Variants in TMEM87B observed in about 807,000 individuals in gnomAD.
TMEM87B encodes the protein transmembrane protein 87B.
A neutral mutation model predicts 80.3 loss-of-function variants in TMEM87B; 83 were observed. That is an observed-to-expected ratio of 1.03 (90% CI 0.87 to 1.24). The LOEUF (loss-of-function observed/expected upper bound fraction) is 1.24. Ranked by LOEUF, TMEM87B falls within the 50% of genes most tolerant of loss-of-function variation. TMEM87B has a pLI of 0.00. For synonymous variants in TMEM87B, 219 were observed against 230.5 expected (o/e 0.95, Z 0.45); for missense variants, 625 against 674.4 (o/e 0.93, Z 0.81).
intron 9 of TMEM87B, among the ~76,000 whole-genome samples, chr2:112,088,914 A>ACCC (rs974822796): frequency 6.0e-5 from 9 of 151,008 alleles, no homozygotes; most frequent in African/African-American, 2.2e-4. Context: ...ACGAGCCACC[A>ACCC]CCCCCGGCTA....
At chr2:112,108,136 G>A (rs1489972750) in intron 17 of TMEM87B, among the ~76,000 whole-genome samples, 2 of 151,986 alleles carry the variant, frequency 1.3e-5, no homozygotes, top group Non-Finnish European at 2.9e-5. Context: ...AACGTCAAAT[G>A]TATGTAAACT....
intron 3 of TMEM87B, among the ~76,000 whole-genome samples, chr2:112,064,828 C>T (rs1353020590): frequency 6.6e-6 from 1 of 152,144 alleles, no homozygotes; most frequent in Non-Finnish European, 1.5e-5. Flanking sequence ...GGATTGTTTC[C>T]TTTTCAGATT....
chr2:112,067,555 C>T (rs919442106), intron 4 of TMEM87B, among the ~76,000 whole-genome samples: 4 of 152,134 alleles, frequency 2.6e-5, no homozygotes, highest in African/African-American at 4.8e-5. Flanking sequence ...GCCATGATTG[C>T]GCCACTGCAC....
chr2:112,094,223 G>A (rs1443787937), intron 11 of TMEM87B, among the ~76,000 whole-genome samples: 2 of 148,342 alleles, frequency 1.3e-5, no homozygotes, highest in Non-Finnish European at 3.0e-5. Flanking sequence ...GTGCAGTGGC[G>A]TGATCTCAAC....
chr2:112,107,880 G>A, intron 17 of TMEM87B, 40 bp downstream of exon 17: 1 of 1,422,054 alleles, frequency 7.0e-7, no homozygotes, highest in Non-Finnish European at 9.8e-7. Flanking sequence ...TAAATTTTAG[G>A]CTGTAGTTTA....
At chr2:112,064,850 G>GT (rs1278619776) in intron 3 of TMEM87B, among the ~76,000 whole-genome samples, 3 of 152,202 alleles carry the variant, frequency 2.0e-5, no homozygotes, top group East Asian at 3.9e-4. Flanking sequence ...TCTGTTACCT[G>GT]TTTGGCTTCT....
At chr2:112,077,554 T>A (rs1209426133) in intron 6 of TMEM87B, among the ~76,000 whole-genome samples, 1 of 152,252 alleles carries the variant, frequency 6.6e-6, no homozygotes, top group African/African-American at 2.4e-5. Flanking sequence ...TTCTTTCAGA[T>A]TAAAAAAATT....
At chr2:112,086,823 C>A (rs1174058958) in intron 9 of TMEM87B, among the ~76,000 whole-genome samples, 1 of 152,124 alleles carries the variant, frequency 6.6e-6, no homozygotes. Context: ...ATGTGCATGA[C>A]CCTTTAAGTA....
At chr2:112,099,525 C>CAT (rs778514391) in intron 14 of TMEM87B, among the ~76,000 whole-genome samples, 7,090 of 122,380 alleles carry the variant, frequency 0.058, 191 homozygotes, top group South Asian at 0.066. Flanking sequence ...TACAATAATA[C>CAT]ATATATATAT....
At chr2:112,060,859 C>G (rs1287596104) in intron 2 of TMEM87B, among the ~76,000 whole-genome samples, 1 of 152,036 alleles carries the variant, frequency 6.6e-6, no homozygotes, top group African/African-American at 2.4e-5. Flanking sequence ...TTTTTCTGAT[C>G]TTCTTTCAGA....
intron 16 of TMEM87B, 100 bp downstream of exon 16, chr2:112,106,175 G>C (rs1040573350): frequency 9.2e-6 from 7 of 763,122 alleles, no homozygotes; most frequent in Non-Finnish European, 9.6e-6. Flanking sequence ...CAGAAGAACA[G>C]TTTTTACTAA....
intron 14 of TMEM87B, 114 bp from the exon 15 acceptor site, chr2:112,100,508 A>G (rs1679599952): frequency 1.6e-6 from 1 of 612,790 alleles, no homozygotes; most frequent in Non-Finnish European, 2.8e-6. Flanking sequence ...TCATTATTTT[A>G]AAGTATAAGA....
chr2:112,084,858 TAA>T (rs1679098418), intron 8 of TMEM87B, among the ~76,000 whole-genome samples: 3 of 152,364 alleles, frequency 2.0e-5, no homozygotes, highest in South Asian at 4.1e-4. Context: ...GCAATCTTGA[TAA>T]AATAAAGCCA....
chr2:112,080,758 G>A (rs1678969972), intron 6 of TMEM87B, among the ~76,000 whole-genome samples: 1 of 151,924 alleles, frequency 6.6e-6, no homozygotes, highest in Non-Finnish European at 1.5e-5. Context: ...GTCTATTTTT[G>A]CTTTTGTTGC....
intron 16 of TMEM87B, among the ~76,000 whole-genome samples, chr2:112,107,133 A>C (rs1679789555): frequency 6.6e-6 from 1 of 152,112 alleles, no homozygotes; most frequent in African/African-American, 2.4e-5. Context: ...TGAGGCAGGC[A>C]GATCGCTTGA....
intron 2 of TMEM87B, among the ~76,000 whole-genome samples, chr2:112,063,282 G>A (rs895340235): frequency 2.0e-5 from 3 of 152,164 alleles, no homozygotes; most frequent in Middle Eastern, 3.2e-3. Flanking sequence ...CTCACTCTGG[G>A]GTAAGCCAGC....
At chr2:112,091,923 T>C in intron 11 of TMEM87B, 140 bp downstream of exon 11, 2 of 639,490 alleles carry the variant, frequency 3.1e-6, no homozygotes, top group Non-Finnish European at 2.7e-6. Flanking sequence ...GGTGAAAAAG[T>C]AGCAACTACC....
intron 10 of TMEM87B, among the ~76,000 whole-genome samples, chr2:112,089,958 TC>T (rs1307564947): frequency 2.0e-5 from 3 of 152,222 alleles, no homozygotes; most frequent in East Asian, 3.8e-4. Flanking sequence ...CAGGTATCAG[TC>T]CCATCCCAGA....
chr2:112,103,487 A>C (rs544523070), intron 15 of TMEM87B, among the ~76,000 whole-genome samples: 29 of 152,352 alleles, frequency 1.9e-4, no homozygotes, highest in African/African-American at 7.0e-4. Flanking sequence ...GAAGATCCTT[A>C]ACATTCTTGT....
Sources: gnomAD v4.1 joint callset for allele counts (sites outside exome capture counted in the v4.1 genomes callset) on GRCh38, gnomAD v4.1.1 for gene constraint, MANE v1.5 for transcripts, NCBI Gene and HGNC (gene_info 2026-07-23, HGNC 2026-07-21) for gene names.